CELF2: variants seen among roughly 807,000 people sequenced by gnomAD.
CELF2 encodes CUGBP Elav-like family member 2, also known as CUG triplet repeat RNA-binding protein 2.
In CELF2, 8 loss-of-function variants were observed where a neutral mutation model predicts 62.6. That is an observed-to-expected ratio of 0.13 (90% CI 0.07 to 0.23). The LOEUF (loss-of-function observed/expected upper bound fraction) is 0.23. Among genes scored for constraint, CELF2 ranks in the 10% least tolerant of loss-of-function variants. The pLI is 1.00. For missense variants in CELF2, 333 were observed against 671.0 expected (o/e 0.50, Z 5.56); for synonymous variants, 258 against 250.0 (o/e 1.03, Z -0.30).
intron 3 of CELF2, among the ~76,000 whole-genome samples, chr10:11,233,146 C>T (rs944797826): frequency 1.4e-4 from 21 of 151,996 alleles, no homozygotes; most frequent in Admixed American, 9.8e-4. Context: ...CTGTTCAGGC[C>T]CAACACTGAT....
chr10:10,595,149 T>C, the CELF2 span, among the ~76,000 whole-genome samples: 5 of 152,206 alleles, frequency 3.3e-5, no homozygotes, highest in Admixed American at 3.3e-4. Context: ...CTTAAACTGA[T>C]ACCACAGACC....
the CELF2 span, among the ~76,000 whole-genome samples, chr10:10,688,825 C>A: frequency 6.7e-6 from 1 of 148,952 alleles, no homozygotes; most frequent in Non-Finnish European, 1.5e-5. Flanking sequence ...CAAAACAAAA[C>A]TCTGTGTATA....
At chr10:10,539,721 C>T in the CELF2 span, among the ~76,000 whole-genome samples, 1 of 152,154 alleles carries the variant, frequency 6.6e-6, no homozygotes, top group African/African-American at 2.4e-5. Context: ...AATTGTACCA[C>T]CAGGTATTAG....
chr10:11,245,856 T>C (rs1462376118), intron 3 of CELF2, among the ~76,000 whole-genome samples: 1 of 152,210 alleles, frequency 6.6e-6, no homozygotes, highest in African/African-American at 2.4e-5. Context: ...AAGGCTCATA[T>C]GGCCAAGTCC....
At chr10:10,569,021 A>C in the CELF2 span, among the ~76,000 whole-genome samples, 1 of 152,176 alleles carries the variant, frequency 6.6e-6, no homozygotes, top group Admixed American at 6.5e-5. Flanking sequence ...GGCTAGATTG[A>C]TCTTAGAAAG....
chr10:10,651,663 G>C, the CELF2 span, among the ~76,000 whole-genome samples: 146 of 150,612 alleles, frequency 9.7e-4, no homozygotes, highest in African/African-American at 3.4e-3. Flanking sequence ...TGAGGGTCCT[G>C]TCTGTTAGAA....
chr10:11,121,603 CGACGCA>C (rs1174117683), intron 1 of CELF2, among the ~76,000 whole-genome samples: 1 of 152,042 alleles, frequency 6.6e-6, no homozygotes, highest in East Asian at 1.9e-4. Flanking sequence ...GGTCAAATAG[CGACGCA>C]GACGTTAGTG....
the CELF2 span, among the ~76,000 whole-genome samples, chr10:10,707,904 A>G: frequency 1.3e-5 from 2 of 152,178 alleles, no homozygotes; most frequent in Non-Finnish European, 2.9e-5. Context: ...CCTAATCCCT[A>G]CAAGGTGAAA....
intron 9 of CELF2, among the ~76,000 whole-genome samples, chr10:11,312,246 A>G (rs962904487): frequency 1.3e-5 from 2 of 152,248 alleles, no homozygotes; most frequent in South Asian, 4.1e-4. Flanking sequence ...TTTTTCACCA[A>G]TAGACCCTCA....
the CELF2 span, among the ~76,000 whole-genome samples, chr10:10,579,205 A>C: frequency 2.0e-5 from 3 of 152,226 alleles, no homozygotes; most frequent in African/African-American, 7.2e-5. Flanking sequence ...AAATGGAGAC[A>C]TAGTAAAATT....
chr10:10,525,007 C>T, the CELF2 span, among the ~76,000 whole-genome samples: 1,319 of 152,244 alleles, frequency 8.7e-3, 15 homozygotes, highest in African/African-American at 0.03. Context: ...TAGGTGTACA[C>T]TGTCATCTTT....
the CELF2 span, among the ~76,000 whole-genome samples, chr10:10,531,009 T>C: frequency 6.6e-6 from 1 of 152,224 alleles, no homozygotes; most frequent in African/African-American, 2.4e-5. Flanking sequence ...TTTCTGCTGA[T>C]ATTAGCACAT....
rs2060613162 is a variant in CELF2 at position 11,207,115 on chromosome 10, T to G, written c.272-10310T>G. Among the ~76,000 whole-genome samples the G allele has an allele frequency of 6.6e-6, 1 of 152,274 alleles. No homozygotes were observed. ...GCAATTTTGCCCTTGTTACCTTTTC[T>G]ATCTGTGTCGTGCTTTGGTGGAATT... On this transcript the variant is annotated intron_variant, in intron 2 of 12. Coordinates refer to ENST00000633077, the MANE Select transcript of CELF2 (RefSeq NM_001326342.2). This position sits in a 1 kb window ranked among gnomAD's most constrained non-coding sequence, Gnocchi z 4.1.
At chr10:10,596,742 A>C in the CELF2 span, among the ~76,000 whole-genome samples, 2 of 152,224 alleles carry the variant, frequency 1.3e-5, no homozygotes, top group Non-Finnish European at 2.9e-5. Context: ...CCGTGACCTC[A>C]GCTGTCCTTT....
chr10:10,921,413 C>T (rs1347018615), intron 2 of CELF2, among the ~76,000 whole-genome samples: 32 of 151,980 alleles, frequency 2.1e-4, no homozygotes, highest in Non-Finnish European at 1.2e-4. Flanking sequence ...GGATTACAGG[C>T]GTGCACCACT....
chr10:11,051,478 A>C (rs2063912508), intron 1 of CELF2, among the ~76,000 whole-genome samples: 1 of 152,178 alleles, frequency 6.6e-6, no homozygotes, highest in African/African-American at 2.4e-5. Flanking sequence ...TGTACCAACA[A>C]CCTAAACAGC....
chr10:10,673,781 CTA>C, the CELF2 span, among the ~76,000 whole-genome samples: 5 of 152,056 alleles, frequency 3.3e-5, no homozygotes, highest in Non-Finnish European at 7.4e-5. Context: ...TCTCTTGGAC[CTA>C]TATGTTTTAT....
chr10:11,210,725 C>T (rs1001630317), intron 2 of CELF2, among the ~76,000 whole-genome samples: 3 of 152,288 alleles, frequency 2.0e-5, no homozygotes, highest in East Asian at 3.9e-4. Context: ...AGCCTTGCTA[C>T]GCGGGGTCAG....
At chr10:11,002,181 G>A (rs773991352), upstream of CELF2, among the ~76,000 whole-genome samples, 3 of 152,190 alleles carry the variant, frequency 2.0e-5, no homozygotes, top group Non-Finnish European at 4.4e-5. This position sits in a 1 kb window ranked among gnomAD's most constrained non-coding sequence, Gnocchi z 4.4. Context: ...AGGCAAGAGA[G>A]GAAATGAGAG....
Sources: allele counts gnomAD v4.1 joint callset (sites outside exome capture counted in the v4.1 genomes callset), GRCh38; gene constraint gnomAD v4.1.1; non-coding constraint Gnocchi (gnomAD v3.1); transcripts MANE v1.5; gene names NCBI Gene and HGNC (gene_info 2026-07-23, HGNC 2026-07-21).